The following LNPEP variants were observed in gnomAD, a reference collection of about 807,000 sequenced individuals.
LNPEP encodes the protein leucyl-cystinyl aminopeptidase.
LNPEP carries 64 observed loss-of-function variants against 120.6 expected under a neutral mutation model. That is an observed-to-expected ratio of 0.53 (90% confidence interval 0.43 to 0.65). The LOEUF is 0.65. Among genes scored for constraint, LNPEP ranks in the 30% least tolerant of loss-of-function variants. The probability of loss-of-function intolerance (pLI) is 0.00; values close to 1 mark genes in which losing one functional copy is unlikely to be tolerated. For synonymous variants in LNPEP, 435 were observed against 425.4 expected (o/e 1.02, Z -0.28); for missense variants, 1,057 against 1,200.0 (o/e 0.88, Z 1.76).
chr5:96,997,341 G>T (rs981909111), intron 7 of LNPEP, among the ~76,000 whole-genome samples: 1 of 152,042 alleles, frequency 6.6e-6, no homozygotes, highest in African/African-American at 2.4e-5. Flanking sequence ...AGTGGTAGGG[G>T]AAATTAATTG....
intron 1 of LNPEP, among the ~76,000 whole-genome samples, chr5:96,973,407 A>T (rs1170310837): frequency 6.6e-6 from 1 of 152,124 alleles, no homozygotes; most frequent in Non-Finnish European, 1.5e-5. Flanking sequence ...TATGATACTT[A>T]GTCATCACTT....
At chr5:97,005,344 T>C (rs1197736551) in intron 9 of LNPEP, among the ~76,000 whole-genome samples, 1 of 152,094 alleles carries the variant, frequency 6.6e-6, no homozygotes, top group Non-Finnish European at 1.5e-5. Flanking sequence ...TGTTCAAAAA[T>C]TGCTTCTTAG....
chr5:97,024,624 GAGA>G lies in LNPEP; in HGVS notation c.2670_2672del (p.Lys890del). 1 of 1,614,092 alleles carries G rather than the reference GAGA, an allele frequency of 6.2e-7. No individual in the cohort carries two copies. On this transcript the variant is annotated inframe_deletion, in exon 15 of 18. Coordinates refer to ENST00000231368, the MANE Select transcript of LNPEP (RefSeq NM_005575.3). ...ATACATTTCTATAGGCTCTGAAGCA[GAGA>G]AGAACAAAATACTAGAAGCACTTGC...
intron 14 of LNPEP, 63 bp from the exon 15 acceptor site, chr5:97,024,458 C>A (rs1791290354): frequency 1.3e-6 from 2 of 1,489,600 alleles, no homozygotes; most frequent in Non-Finnish European, 1.8e-6. Flanking sequence ...CCACAGCCAA[C>A]TCTTCGCCTT....
intron 9 of LNPEP, among the ~76,000 whole-genome samples, chr5:97,004,623 A>G (rs1400292885): frequency 6.6e-6 from 1 of 152,178 alleles, no homozygotes; most frequent in Admixed American, 6.5e-5. Flanking sequence ...ACACAGTTTC[A>G]AAGTTTTATT....
intron 1 of LNPEP, among the ~76,000 whole-genome samples, chr5:96,957,833 A>G (rs1223712516): frequency 6.6e-6 from 1 of 152,228 alleles, no homozygotes; most frequent in Non-Finnish European, 1.5e-5. Context: ...AATTTGTTAT[A>G]GCAGCAATAG....
At chr5:96,941,133 A>C (rs1789041049) in intron 1 of LNPEP, among the ~76,000 whole-genome samples, 1 of 152,218 alleles carries the variant, frequency 6.6e-6, no homozygotes, top group Non-Finnish European at 1.5e-5. Context: ...ATCAGGCATT[A>C]AATTCTCAAA....
At position 96,979,842 on chromosome 5, in the gene LNPEP, C is replaced by A; in HGVS notation, c.724C>A (p.Gln242Lys). Residue 242 changes from glutamine to lysine, a missense_variant, in exon 2 of 18, where the codon CAG (glutamine) becomes AAG (lysine). Coordinates refer to ENST00000231368, the MANE Select transcript of LNPEP (RefSeq NM_005575.3). Reference protein sequence around the residue: ...AEILEYAYHGQIAIVAPEALL... With the variant: ...AEILEYAYHGKIAIVAPEALL... Reference sequence around the variant, plus strand: ...GATCCTGGAATATGCATATCATGGACAGATCGCCATTGTTGCCCCCGAAGC... The same window carrying A: ...GATCCTGGAATATGCATATCATGGAAAGATCGCCATTGTTGCCCCCGAAGC... The A allele has an allele frequency of 6.2e-7, 1 of 1,614,020 alleles. No homozygotes were observed. The highest frequency in any genetic ancestry group is 1.1e-5 in the South Asian group (1 of 91,082).
At chr5:97,018,203 G>A (rs938144869) in intron 13 of LNPEP, among the ~76,000 whole-genome samples, 1 of 152,016 alleles carries the variant, frequency 6.6e-6, no homozygotes. Context: ...CACTATTAAA[G>A]GGCAATGTTA....
At chr5:96,990,972 T>G (rs750959310) in intron 4 of LNPEP, among the ~76,000 whole-genome samples, 2 of 152,180 alleles carry the variant, frequency 1.3e-5, no homozygotes, top group Non-Finnish European at 2.9e-5. Context: ...GATAAGTTCT[T>G]TAGTGGTGAT....
At chr5:97,012,512 G>A (rs1790961187) in intron 11 of LNPEP, among the ~76,000 whole-genome samples, 1 of 152,142 alleles carries the variant, frequency 6.6e-6, no homozygotes, top group Non-Finnish European at 1.5e-5. Context: ...TAATTCAGCA[G>A]TATTTGTTGA....
intron 15 of LNPEP, among the ~76,000 whole-genome samples, 169 bp from the exon 16 acceptor site, chr5:97,026,447 TA>T (rs1035117268): frequency 6.6e-5 from 10 of 152,052 alleles, no homozygotes; most frequent in Middle Eastern, 3.4e-3. Context: ...TTTCTTCATT[TA>T]AAAAAAATGA....
intron 1 of LNPEP, among the ~76,000 whole-genome samples, chr5:96,974,737 G>A (rs1789947252): frequency 6.6e-6 from 1 of 151,972 alleles, no homozygotes; most frequent in Admixed American, 6.6e-5. Context: ...AAAGTCACTG[G>A]TTCCCTGGTT....
chr5:96,980,002 C>G lies in LNPEP; in HGVS notation c.860+24C>G, dbSNP rs751769417. The G allele has an allele frequency of 5.2e-6, 8 of 1,552,028 alleles. No individual in the cohort carries two copies. The East Asian group carries it at 9.0e-5, about 18-fold the overall frequency. ...AAGTAGGTAGCCCTCTTAAATGATT[C>G]TGGTTTTACGCTCTGATAACTTCTG... On this transcript the variant is annotated intron_variant, in intron 2 of 17. Coordinates refer to ENST00000231368, the MANE Select transcript of LNPEP (RefSeq NM_005575.3).
rs1222443739 is a variant in LNPEP, at chr5:96,951,448, C to T, written c.19+15274C>T. On this transcript the variant is annotated intron_variant, in intron 1 of 17. Coordinates refer to ENST00000231368, the MANE Select transcript of LNPEP (RefSeq NM_005575.3). ...AATTTTTTGTATTTTTTAGTAGAGA[C>T]GGGGTTTCACTGTGTTAGCCAGGAT... Among the ~76,000 whole-genome samples the T allele has an allele frequency of 2.6e-5, 4 of 152,012 alleles. No individual in the cohort carries two copies. The South Asian group carries it at 6.2e-4, about 24-fold the overall frequency.
rs1791517385 is a variant in LNPEP at position 97,033,750 on chromosome 5, G to A, written c.*5217G>A. ...TCAGGGATTCTTTGGTGGGTGTTGG[G>A]GTATATACTTTTGTATATGTATGTA... On this transcript the variant is annotated 3_prime_UTR_variant, in exon 18 of 18. Coordinates refer to ENST00000231368, the MANE Select transcript of LNPEP (RefSeq NM_005575.3). 1 of 151,530 alleles carries A rather than the reference G, an allele frequency of 6.6e-6. No homozygotes were observed. Among genetic ancestry groups the A allele is most frequent in the Non-Finnish European group, 1.5e-5 (1 of 67,888 alleles). 9.4% of individuals were successfully genotyped at this position (151,530 alleles called of 1,614,324 possible). A position where few individuals can be genotyped will look rare whatever the true frequency, so the allele number is the denominator to read the frequency against.
At chr5:96,961,402 G>A (rs1789602690) in intron 1 of LNPEP, among the ~76,000 whole-genome samples, 2 of 152,024 alleles carry the variant, frequency 1.3e-5, no homozygotes, top group African/African-American at 4.8e-5. Flanking sequence ...AAAGAAATCT[G>A]CTTGGTTCCT....
intron 1 of LNPEP, chr5:96,943,220 G>T (rs1378706233): frequency 3.1e-4 from 64 of 205,266 alleles, no homozygotes; most frequent in East Asian, 3.1e-3. Context: ...ATTACCAGTT[G>T]TTTAAAAAAA....
chr5:96,994,649 G>A (rs999477394), intron 6 of LNPEP, among the ~76,000 whole-genome samples: 3 of 152,114 alleles, frequency 2.0e-5, no homozygotes, highest in African/African-American at 7.2e-5. Context: ...TAGATGAGGT[G>A]CTTAACTAGC....
Sources: allele counts gnomAD v4.1 joint callset (sites outside exome capture counted in the v4.1 genomes callset), GRCh38; gene constraint gnomAD v4.1.1; transcripts MANE v1.5; gene names NCBI Gene and HGNC (gene_info 2026-07-23, HGNC 2026-07-21).